The following BICC1 variants were observed in gnomAD, a reference collection of about 807,000 sequenced individuals.
The protein encoded by BICC1 is BicC family RNA binding protein 1.
BICC1 carries 43 observed loss-of-function variants against 111.0 expected under a neutral mutation model. That is an observed-to-expected ratio of 0.39 (90% CI 0.30 to 0.50). The LOEUF (loss-of-function observed/expected upper bound fraction) is 0.50. Among genes scored for constraint, BICC1 ranks in the 20% least tolerant of loss-of-function variants. The pLI is 0.88. For synonymous variants in BICC1, 467 were observed against 434.4 expected (o/e 1.07, Z -0.93); for missense variants, 1,091 against 1,203.2 (o/e 0.91, Z 1.38).
At chr10:58,615,106 A>G (rs1007234924) in intron 1 of BICC1, among the ~76,000 whole-genome samples, 2 of 151,626 alleles carry the variant, frequency 1.3e-5, no homozygotes, top group African/African-American at 4.9e-5. Context: ...ATTAGGTTTG[A>G]GCACTGACCT....
At position 58,775,638 on chromosome 10, in the gene BICC1, A is replaced by G. The variant is rs138838267; in HGVS notation, c.308-9363A>G. Among the ~76,000 whole-genome samples the G allele has an allele frequency of 6.5e-3, 997 of 152,356 alleles. 12 individuals are homozygous for G. The highest frequency in any genetic ancestry group is 0.023 in the African/African-American group (944 of 41,586). Reference sequence around the variant, plus strand: ...ATCCTTCATTTCTACTTTATGAGAAAAACAAATAATACACAGTTGGGGTGA... The same window carrying G: ...ATCCTTCATTTCTACTTTATGAGAAGAACAAATAATACACAGTTGGGGTGA... On this transcript the variant is annotated intron_variant, in intron 3 of 20. Transcript: ENST00000373886.
chr10:58,513,415 C>G, intron 1 of BICC1, 82 bp downstream of exon 1: 1 of 1,333,734 alleles, frequency 7.5e-7, no homozygotes, highest in East Asian at 2.9e-5. Flanking sequence ...CTCCGGCGCC[C>G]GCTACTCCAG....
At chr10:58,794,766 A>G (rs564881056) in intron 9 of BICC1, among the ~76,000 whole-genome samples, 18 of 152,298 alleles carry the variant, frequency 1.2e-4, no homozygotes, top group African/African-American at 2.4e-4. Flanking sequence ...GGAAAGAGGA[A>G]TGTTTCTACA....
At chr10:58,816,191 C>T (rs1844080208) in intron 18 of BICC1, among the ~76,000 whole-genome samples, 1 of 152,170 alleles carries the variant, frequency 6.6e-6, no homozygotes. Context: ...GTAGTCACAT[C>T]CCACATCTGG....
At chr10:58,624,572 T>G (rs1845927567) in intron 2 of BICC1, among the ~76,000 whole-genome samples, 1 of 152,156 alleles carries the variant, frequency 6.6e-6, no homozygotes, top group African/African-American at 2.4e-5. Context: ...AAAAGTAATC[T>G]GTAATCTTGC....
intron 2 of BICC1, among the ~76,000 whole-genome samples, chr10:58,644,258 G>A (rs7905867): frequency 0.99 from 150,046 of 152,294 alleles, 73,952 homozygotes; most frequent in East Asian, 1. Context: ...TCAATTCTCA[G>A]GGAAACCGCG....
intron 3 of BICC1, among the ~76,000 whole-genome samples, chr10:58,777,555 AC>A (rs1344228014): frequency 1.3e-5 from 2 of 152,120 alleles, no homozygotes; most frequent in African/African-American, 4.8e-5. Context: ...TTCAGCAAGA[AC>A]CTGCCTGAAG....
At chr10:58,562,131 G>C (rs868376408) in intron 1 of BICC1, among the ~76,000 whole-genome samples, 3 of 151,958 alleles carry the variant, frequency 2.0e-5, no homozygotes, top group Admixed American at 6.5e-5. Context: ...AAGGATTTTT[G>C]AGCTATCGTA....
At chr10:58,778,574 A>G in intron 3 of BICC1, among the ~76,000 whole-genome samples, 1 of 152,198 alleles carries the variant, frequency 6.6e-6, no homozygotes, top group East Asian at 1.9e-4. Context: ...GTCTTCATCC[A>G]CATCGTCTTC....
intron 2 of BICC1, among the ~76,000 whole-genome samples, chr10:58,672,998 A>C (rs772107671): frequency 1.3e-5 from 2 of 152,174 alleles, no homozygotes; most frequent in South Asian, 4.2e-4. Flanking sequence ...TATATTGCCA[A>C]ATCTAATTCT....
chr10:58,633,397 A>C (rs1452581052), intron 2 of BICC1, among the ~76,000 whole-genome samples: 1 of 152,258 alleles, frequency 6.6e-6, no homozygotes, highest in Non-Finnish European at 1.5e-5. Flanking sequence ...AACATTTTGC[A>C]GTATAGTTGC....
chr10:58,545,438 T>C lies in BICC1; in HGVS notation c.190+32105T>C, dbSNP rs151187716. On this transcript the variant is annotated intron_variant, in intron 1 of 20. Coordinates refer to ENST00000373886, the MANE Select transcript of BICC1 (RefSeq NM_001080512.3). ...AGTGGATCCTACTTTACATAAATAA[T>C]AATCAGACTTTTTCTTTTATTCAGG... Among the ~76,000 whole-genome samples, 328 of 152,300 alleles carry C rather than the reference T, an allele frequency of 2.2e-3. 2 individuals carry two copies. Among genetic ancestry groups the C allele is most frequent in the African/African-American group, 7.6e-3 (314 of 41,576 alleles).
chr10:58,685,385 G>A (rs934511950), intron 2 of BICC1, among the ~76,000 whole-genome samples: 4 of 152,240 alleles, frequency 2.6e-5, no homozygotes, highest in Middle Eastern at 3.4e-3. Flanking sequence ...TATTAGGTCC[G>A]CTTGGTGCAG....
At chr10:58,677,262 A>G (rs1589007419) in intron 2 of BICC1, among the ~76,000 whole-genome samples, 2 of 152,234 alleles carry the variant, frequency 1.3e-5, no homozygotes, top group Admixed American at 6.5e-5. Flanking sequence ...TCCAAGCTAA[A>G]GGAGCATGTT....
At chr10:58,771,624 ACAGTATC>A (rs1337274047) in intron 3 of BICC1, among the ~76,000 whole-genome samples, 1 of 152,158 alleles carries the variant, frequency 6.6e-6, no homozygotes, top group Non-Finnish European at 1.5e-5. Context: ...AAATAATAGT[ACAGTATC>A]CAGTGGTTTC....
At chr10:58,823,400 T>C in intron 20 of BICC1, 2 of 985,062 alleles carry the variant, frequency 2.0e-6, no homozygotes, top group Non-Finnish European at 2.4e-6. Context: ...TTCTAAAGTC[T>C]CTTCAGTAGG....
chr10:58,523,164 A>C (rs1842437851), intron 1 of BICC1, among the ~76,000 whole-genome samples: 1 of 152,210 alleles, frequency 6.6e-6, no homozygotes, highest in African/African-American at 2.4e-5. Flanking sequence ...AAACTATTCC[A>C]ATCAATAGAA....
At chr10:58,578,072 A>G (rs990712161) in intron 1 of BICC1, among the ~76,000 whole-genome samples, 3 of 152,212 alleles carry the variant, frequency 2.0e-5, no homozygotes, top group Admixed American at 6.5e-5. Context: ...AAATTTAGTT[A>G]TAAGGCAAAA....
chr10:58,693,988 G>A lies in BICC1; in HGVS notation c.238-8086G>A, dbSNP rs193280489. Among the ~76,000 whole-genome samples, 1,197 of 152,174 alleles carry A rather than the reference G, an allele frequency of 7.9e-3. 9 individuals carry two copies. Among genetic ancestry groups the A allele is most frequent in the Non-Finnish European group, 0.01 (688 of 68,018 alleles). The stretch of plus-strand genomic sequence containing the variant: ...TAGGTTTTCTTCTAGGGTTTTTATG[G>A]TTTTAGGTCATATCTCCATCTTTTT... On this transcript the variant is annotated intron_variant, in intron 2 of 20. Coordinates refer to ENST00000373886, the MANE Select transcript of BICC1 (RefSeq NM_001080512.3).
Sources: allele counts gnomAD v4.1 joint callset (sites outside exome capture counted in the v4.1 genomes callset), GRCh38; gene constraint gnomAD v4.1.1; transcripts MANE v1.5; gene names NCBI Gene and HGNC (gene_info 2026-07-23, HGNC 2026-07-21).